DCC: variants seen among roughly 807,000 people sequenced by gnomAD.
The protein encoded by DCC is netrin receptor DCC.
In DCC, 58 loss-of-function variants were observed where a neutral mutation model predicts 172.5. The observed-to-expected ratio is 0.34, with a 90% CI of 0.27 to 0.42. The LOEUF (loss-of-function observed/expected upper bound fraction) is 0.42. Ranked by LOEUF, DCC falls within the 10% of genes least tolerant of loss-of-function variation. DCC has a pLI of 1.00. For missense variants in DCC, 1,740 were observed against 1,791.0 expected, an observed-to-expected ratio of 0.97 and a Z score of 0.51; for synonymous variants, 709 against 644.5, an observed-to-expected ratio of 1.10 and a Z score of -1.52.
chr18:52,870,575 C>A (rs1179652170), intron 2 of DCC, among the ~76,000 whole-genome samples: 1 of 152,186 alleles, frequency 6.6e-6, no homozygotes, highest in Non-Finnish European at 1.5e-5. Flanking sequence ...ATTACTCTTG[C>A]AGATAAGATC....
intron 5 of DCC, among the ~76,000 whole-genome samples, chr18:52,925,862 G>T (rs974139792): frequency 1.4e-5 from 2 of 142,856 alleles, no homozygotes; most frequent in African/African-American, 5.2e-5. Context: ...GTAAGGAAAA[G>T]TTGCATAGCA....
At chr18:52,488,986 T>C (rs750257059) in intron 1 of DCC, among the ~76,000 whole-genome samples, 2 of 152,152 alleles carry the variant, frequency 1.3e-5, no homozygotes, top group African/African-American at 4.8e-5. Context: ...TTCTTCATCA[T>C]CTTTTTTAGA....
intron 5 of DCC, among the ~76,000 whole-genome samples, chr18:52,968,055 G>A (rs149039539): frequency 0.013 from 2,049 of 152,244 alleles, 60 homozygotes; most frequent in African/African-American, 0.047. Flanking sequence ...TTGGAAAGGT[G>A]TATATTATTC....
intron 5 of DCC, among the ~76,000 whole-genome samples, chr18:52,956,191 T>G (rs575419073): frequency 2.6e-5 from 4 of 152,080 alleles, no homozygotes; most frequent in African/African-American, 9.7e-5. Flanking sequence ...TTTTATAGTT[T>G]AGCATTTTAA....
intron 2 of DCC, among the ~76,000 whole-genome samples, chr18:52,753,648 G>A (rs981769512): frequency 6.6e-6 from 1 of 152,092 alleles, no homozygotes; most frequent in African/African-American, 2.4e-5. Context: ...TTAACGCTTG[G>A]TAACATGTTG....
Position 52,386,080 on chromosome 18 carries a change from A to C in DCC, c.91+45202A>C, listed in dbSNP as rs889660852. Reference sequence around the variant, plus strand: ...TTTAGGTTGTTTCTAGACATCTAGCATAAGGTCAGAACTCAATATTAGCCA... The same window carrying C: ...TTTAGGTTGTTTCTAGACATCTAGCCTAAGGTCAGAACTCAATATTAGCCA... On this transcript the variant is annotated intron_variant, in intron 1 of 28. Transcript: ENST00000442544. Among the ~76,000 whole-genome samples the C allele has an allele frequency of 2.0e-5, 3 of 152,236 alleles. No homozygotes were observed. In the East Asian group the frequency reaches 5.8e-4, roughly 29 times the overall value.
At chr18:52,355,607 G>T (rs1984327336) in intron 1 of DCC, among the ~76,000 whole-genome samples, 1 of 152,140 alleles carries the variant, frequency 6.6e-6, no homozygotes, top group Non-Finnish European at 1.5e-5. Flanking sequence ...TGTTTTTAAA[G>T]GTAATGTTTC....
chr18:52,944,413 T>A (rs1449364273), intron 5 of DCC, among the ~76,000 whole-genome samples: 1 of 152,172 alleles, frequency 6.6e-6, no homozygotes, highest in Non-Finnish European at 1.5e-5. Flanking sequence ...CATCCAAAAC[T>A]AGCTGTGCAA....
intron 27 of DCC, among the ~76,000 whole-genome samples, chr18:53,510,533 G>T (rs1056891173): frequency 6.6e-6 from 1 of 152,164 alleles, no homozygotes; most frequent in African/African-American, 2.4e-5. Context: ...AGGCTGGAGA[G>T]TGCTAAAGAG....
At chr18:53,345,542 C>G (rs1445664876) in intron 15 of DCC, among the ~76,000 whole-genome samples, 1 of 152,060 alleles carries the variant, frequency 6.6e-6, no homozygotes, top group African/African-American at 2.4e-5. Flanking sequence ...TCTATTTACC[C>G]AGATATATGA....
At chr18:53,267,735 G>A (rs1445792237) in intron 12 of DCC, among the ~76,000 whole-genome samples, 1 of 151,336 alleles carries the variant, frequency 6.6e-6, no homozygotes, top group East Asian at 2.0e-4. Context: ...CCAAATGCTA[G>A]GATTAAAGGT....
intron 2 of DCC, among the ~76,000 whole-genome samples, chr18:52,869,927 G>A (rs1350726217): frequency 6.6e-6 from 1 of 152,202 alleles, no homozygotes; most frequent in African/African-American, 2.4e-5. Context: ...AGAGACACCT[G>A]GGTCCTGCGA....
chr18:53,222,387 T>TC (rs1555733571), intron 12 of DCC, among the ~76,000 whole-genome samples: 6 of 137,284 alleles, frequency 4.4e-5, no homozygotes, highest in Non-Finnish European at 9.4e-5. Flanking sequence ...TTTTTTCTTT[T>TC]TTTTTTTTTT....
intron 2 of DCC, among the ~76,000 whole-genome samples, chr18:52,884,822 G>A (rs1189633330): frequency 6.6e-6 from 1 of 152,102 alleles, no homozygotes; most frequent in Non-Finnish European, 1.5e-5. Flanking sequence ...GTCTGGGCTT[G>A]TTTGTGCCTG....
chr18:52,492,584 A>G (rs2030559298), intron 1 of DCC, among the ~76,000 whole-genome samples: 1 of 151,944 alleles, frequency 6.6e-6, no homozygotes, highest in South Asian at 2.1e-4. Flanking sequence ...TCCTTGCTGA[A>G]GTGTGAAAGG....
intron 15 of DCC, among the ~76,000 whole-genome samples, chr18:53,355,128 A>G (rs1211066131): frequency 1.3e-5 from 2 of 151,846 alleles, no homozygotes; most frequent in Admixed American, 1.3e-4. Flanking sequence ...TGTTCCATTG[A>G]TCTATATCTC....
chr18:52,596,283 A>G (rs1221711139), intron 1 of DCC, among the ~76,000 whole-genome samples: 1 of 152,228 alleles, frequency 6.6e-6, no homozygotes, highest in Non-Finnish European at 1.5e-5. Context: ...ACACAATTCA[A>G]ATATAATGTG....
intron 15 of DCC, among the ~76,000 whole-genome samples, chr18:53,385,021 C>CTTTTTTTTTTT (rs35779527): frequency 5.3e-5 from 7 of 131,006 alleles, no homozygotes; most frequent in African/African-American, 1.5e-4. Flanking sequence ...TAATTTTTTT[C>CTTTTTTTTTTT]TTTTTTTTTT....
At position 53,089,783 on chromosome 18, in the gene DCC, G is replaced by A. The variant is rs1329769055; in HGVS notation, c.1261+23617G>A. ...GAAGTCATGTGATGCATAAAGCAGT[G>A]AATTGTTTCATTATCTCAATTTTCT... On this transcript the variant is annotated intron_variant, in intron 7 of 28. Coordinates refer to ENST00000442544, the MANE Select transcript of DCC (RefSeq NM_005215.4). Among the ~76,000 whole-genome samples the A allele has an allele frequency of 2.6e-5, 4 of 152,084 alleles. No homozygotes were observed. The East Asian group carries it at 7.7e-4, about 29-fold the overall frequency.
Sources: gnomAD v4.1 joint callset for allele counts (sites outside exome capture counted in the v4.1 genomes callset) on GRCh38, gnomAD v4.1.1 for gene constraint, MANE v1.5 for transcripts, NCBI Gene and HGNC (gene_info 2026-07-23, HGNC 2026-07-21) for gene names.